PLD5: variants seen among roughly 807,000 people sequenced by gnomAD.
PLD5 encodes inactive phospholipase D5.
PLD5 carries 36 observed loss-of-function variants against 61.1 expected under a neutral mutation model. The ratio of observed to expected loss-of-function variants is 0.59; its 90% confidence interval spans 0.45 to 0.78. PLD5 has a LOEUF of 0.78. Ranked by LOEUF, PLD5 falls within the 30% of genes least tolerant of loss-of-function variation. PLD5 has a pLI of 0.00. For synonymous variants in PLD5, 243 were observed against 242.8 expected (o/e 1.00, Z -0.01); for missense variants, 515 against 644.4 (o/e 0.80, Z 2.17).
chr1:242,464,394 C>G (rs995471578), intron 1 of PLD5, among the ~76,000 whole-genome samples: 1 of 152,222 alleles, frequency 6.6e-6, no homozygotes, highest in Non-Finnish European at 1.5e-5. Flanking sequence ...TCATCCCATT[C>G]TTCCCTATTT....
At chr1:242,527,114 C>CTTTTTTTTTTTTTTTTTTTTTTT (rs530334746), upstream of PLD5, among the ~76,000 whole-genome samples, 6 of 71,976 alleles carry the variant, frequency 8.3e-5, 1 homozygote, top group East Asian at 4.0e-4. Context: ...CTATCTCCTT[C>CTTTTTTTTTTTTTTTTTTTTTTT]TTTTTTTTTT....
At chr1:242,424,137 T>C (rs908951396) in intron 1 of PLD5, among the ~76,000 whole-genome samples, 2 of 152,202 alleles carry the variant, frequency 1.3e-5, no homozygotes, top group African/African-American at 4.8e-5. Flanking sequence ...TGTAATCCCT[T>C]CTCTACAGCT....
intron 5 of PLD5, among the ~76,000 whole-genome samples, chr1:242,195,293 T>A (rs1394378547): frequency 1.3e-5 from 2 of 152,224 alleles, no homozygotes; most frequent in Non-Finnish European, 2.9e-5. Context: ...CTTTACCACC[T>A]CTGAGAAGTC....
At chr1:242,152,213 C>T (rs1664982200) in intron 5 of PLD5, among the ~76,000 whole-genome samples, 1 of 152,018 alleles carries the variant, frequency 6.6e-6, no homozygotes, top group South Asian at 2.1e-4. Flanking sequence ...CGCATGGCCT[C>T]TTCCTCCATC....
intron 1 of PLD5, among the ~76,000 whole-genome samples, chr1:242,434,759 A>T (rs559190255): frequency 6.6e-6 from 1 of 151,986 alleles, no homozygotes; most frequent in Non-Finnish European, 1.5e-5. Flanking sequence ...GACTACAGGC[A>T]CCCGCCACCA....
intron 1 of PLD5, among the ~76,000 whole-genome samples, chr1:242,462,673 C>T (rs553441101): frequency 8.0e-4 from 121 of 152,006 alleles, no homozygotes; most frequent in Non-Finnish European, 1.3e-3. Flanking sequence ...TGGACTGTAA[C>T]CCTCTCCAGG....
intron 7 of PLD5, among the ~76,000 whole-genome samples, chr1:242,110,655 C>A (rs1424768842): frequency 2.0e-5 from 3 of 152,066 alleles, no homozygotes; most frequent in Non-Finnish European, 4.4e-5. Context: ...ACTAAAAATA[C>A]AAAAATTAGC....
At chr1:242,297,536 G>T (rs1675754955) in intron 2 of PLD5, among the ~76,000 whole-genome samples, 1 of 151,390 alleles carries the variant, frequency 6.6e-6, no homozygotes, top group Non-Finnish European at 1.5e-5. Context: ...CCCCTGAGTA[G>T]CTGGGAGTAC....
chr1:242,510,512 G>A lies in PLD5; in HGVS notation c.189+13576C>T, dbSNP rs188196469. On this transcript the variant is annotated intron_variant, in intron 1 of 9. Transcript: ENST00000536534. ...TCCATCATCTGAATGAGAGTTTACA[G>A]GCCAGGGTTATAATTAAGGATATTT... Among the ~76,000 whole-genome samples, 485 of 152,282 alleles carry A rather than the reference G, an allele frequency of 3.2e-3. 5 individuals are homozygous for A. The highest frequency in any genetic ancestry group is 0.011 in the African/African-American group (459 of 41,548).
At chr1:242,411,305 G>A (rs1333377774) in intron 1 of PLD5, among the ~76,000 whole-genome samples, 1 of 152,042 alleles carries the variant, frequency 6.6e-6, no homozygotes, top group African/African-American at 2.4e-5. Flanking sequence ...GCACGATCTC[G>A]GCTCACTGCA....
In PLD5 at chr1:242,113,991, A is replaced by C. The variant is rs749917839; in HGVS notation, c.969T>G (p.Ser323Arg). The C allele has an allele frequency of 3.7e-5, 59 of 1,613,778 alleles. No homozygotes were observed. Among genetic ancestry groups the C allele is most frequent in the Non-Finnish European group, 4.6e-5 (54 of 1,179,886 alleles). ...CACTGTAGATGGCATCTATGTCAAA[A>C]CTTCTGTTTTTAGGGCAAAAGAGTT... ...SPKLFCPKNRSFDIDAIYSVI... is the reference protein window; with the variant it reads ...SPKLFCPKNRRFDIDAIYSVI... Residue 323 changes from serine to arginine, a missense_variant, in exon 7 of 10, where the codon AGT (serine) becomes AGG (arginine). Transcript: ENST00000536534.
intron 4 of PLD5, among the ~76,000 whole-genome samples, chr1:242,244,649 G>A (rs1479299583): frequency 1.3e-5 from 2 of 152,226 alleles, no homozygotes; most frequent in African/African-American, 4.8e-5. Context: ...TTGGAAGAGA[G>A]TGTTGCTTCC....
chr1:242,447,759 A>T (rs1666604813), intron 1 of PLD5, among the ~76,000 whole-genome samples: 2 of 152,188 alleles, frequency 1.3e-5, no homozygotes, highest in African/African-American at 4.8e-5. Flanking sequence ...GTACACTTTC[A>T]TCAGATTGTA....
intron 1 of PLD5, among the ~76,000 whole-genome samples, chr1:242,421,408 CCTT>C (rs1286535242): frequency 1.3e-5 from 2 of 152,100 alleles, no homozygotes; most frequent in African/African-American, 2.4e-5. Flanking sequence ...CAGGATACAG[CCTT>C]CTTAGGGTAG....
intron 1 of PLD5, among the ~76,000 whole-genome samples, chr1:242,393,631 T>C (rs1251263392): frequency 3.1e-5 from 3 of 97,850 alleles, no homozygotes; most frequent in Non-Finnish European, 5.8e-5. Flanking sequence ...TATATGAGTA[T>C]ATATATGTGT....
At chr1:242,514,519 TACA>T (rs1265912723) in intron 1 of PLD5, among the ~76,000 whole-genome samples, 1 of 151,904 alleles carries the variant, frequency 6.6e-6, no homozygotes, top group Admixed American at 6.6e-5. Context: ...TGAAATATGA[TACA>T]ACAAATCCCC....
chr1:242,292,996 T>TA (rs1463332893), intron 2 of PLD5, among the ~76,000 whole-genome samples: 1 of 152,150 alleles, frequency 6.6e-6, no homozygotes, highest in South Asian at 2.1e-4. Flanking sequence ...GGTCCATGGC[T>TA]AAAAAAGGGG....
intron 1 of PLD5, among the ~76,000 whole-genome samples, chr1:242,512,560 T>C (rs1668961148): frequency 6.6e-6 from 1 of 152,198 alleles, no homozygotes; most frequent in African/African-American, 2.4e-5. Flanking sequence ...GGCAACAAGC[T>C]AGAACAATGT....
intron 5 of PLD5, among the ~76,000 whole-genome samples, chr1:242,208,235 C>T (rs1669568383): frequency 6.6e-6 from 1 of 151,820 alleles, no homozygotes; most frequent in South Asian, 2.1e-4. Flanking sequence ...CAGGTGAGCT[C>T]ACCCCGCTCA....
Sources: gnomAD v4.1 joint callset for allele counts (sites outside exome capture counted in the v4.1 genomes callset) on GRCh38, gnomAD v4.1.1 for gene constraint, MANE v1.5 for transcripts, NCBI Gene and HGNC (gene_info 2026-07-23, HGNC 2026-07-21) for gene names.